Variants in COL1A2 observed in about 807,000 individuals in gnomAD.
COL1A2 encodes collagen type I alpha 2 chain.
Under a neutral mutation model 174.3 loss-of-function variants are expected in COL1A2, and 49 were observed. The observed-to-expected ratio is 0.28, with a 90% CI of 0.22 to 0.36. The LOEUF is 0.36. Among genes scored for constraint, COL1A2 ranks in the 10% least tolerant of loss-of-function variants. The probability of loss-of-function intolerance (pLI) is 1.00; values close to 1 mark genes in which losing one functional copy is unlikely to be tolerated. For synonymous variants in COL1A2, 655 were observed against 606.6 expected (o/e 1.08, Z -1.17); for missense variants, 1,438 against 1,822.7 (o/e 0.79, Z 3.84).
intron 40 of COL1A2, 47 bp from the exon 41 acceptor site, chr7:94,424,289 T>C (rs775873981): frequency 4.0e-6 from 6 of 1,515,384 alleles, no homozygotes; most frequent in Non-Finnish European, 4.6e-6. Context: ...ACCTGTGTTA[T>C]CACCTAGGGT....
intron 16 of COL1A2, 108 bp downstream of exon 16, chr7:94,408,931 T>A: frequency 9.7e-7 from 1 of 1,031,314 alleles, no homozygotes; most frequent in Non-Finnish European, 1.5e-6. Context: ...ACAGTTACCT[T>A]AATTATTCCT....
Position 94,427,266 on chromosome 7 carries a change from C to T in COL1A2, c.3238C>T (p.Arg1080Ter), listed in dbSNP as rs780395429. The change falls in exon 48 of 52, where the codon CGA becomes TGA. Residue 1080 changes from arginine (R) to a stop codon, truncating the protein, a stop_gained. Coordinates refer to ENST00000297268, the MANE Select transcript of COL1A2 (RefSeq NM_000089.4). LOFTEE classifies it high-confidence loss of function. ...HPGTVGPAGI[R>*]GPQGHQGPAG... ...TGGTACAGTTGGACCTGCTGGCATT[C>T]GAGGCCCTCAGGGTCACCAAGGCCC... The T allele has an allele frequency of 1.2e-6, 2 of 1,613,556 alleles. No homozygotes were observed. Among genetic ancestry groups the T allele is most frequent in the Non-Finnish European group, 1.7e-6 (2 of 1,179,798 alleles).
chr7:94,412,085 T>C lies in COL1A2; in HGVS notation c.1368T>C (p.Pro456=), dbSNP rs748642755. The C allele has an allele frequency of 2.5e-6, 4 of 1,612,618 alleles. No homozygotes were observed. The highest frequency in any genetic ancestry group is 3.4e-6 in the Non-Finnish European group (4 of 1,179,170). ...TTTTATAGGGTCTTCCTGGTTCCCCTGGAAATATCGGCCCCGCTGGAAAAG... is the reference window on the plus strand; with the variant it reads ...TTTTATAGGGTCTTCCTGGTTCCCCCGGAAATATCGGCCCCGCTGGAAAAG... The part of the protein sequence containing the change: ...LMGPRGLPGS[P]GNIGPAGKEG... The change falls in exon 24 of 52, where the codon CCT becomes CCC. Residue 456 remains proline (P), a synonymous_variant. Coordinates refer to ENST00000297268, the MANE Select transcript of COL1A2 (RefSeq NM_000089.4).
intron 40 of COL1A2, chr7:94,423,795 A>G (rs1562906313): frequency 6.0e-6 from 1 of 166,938 alleles, no homozygotes; most frequent in African/African-American, 2.4e-5. Flanking sequence ...GGGTTTCACC[A>G]TATTGGTCAG....
rs572013618 is a variant in COL1A2, at chr7:94,415,157, A to T, written c.1720-69A>T. 6 of 1,470,922 alleles carry T rather than the reference A, an allele frequency of 4.1e-6. No homozygotes were observed. The Admixed American group carries it at 5.0e-5, about 12-fold the overall frequency. 91.1% of individuals were successfully genotyped at this position (1,470,922 alleles called of 1,614,324 possible). ...ATTTCACTCTTTCCAAATTTTTCAA[A>T]TATTTTAATCATAAGTGAATTTAGA... On this transcript the variant is annotated intron_variant, in intron 29 of 51. Coordinates refer to ENST00000297268, the MANE Select transcript of COL1A2 (RefSeq NM_000089.4).
At chr7:94,401,261 C>T (rs971655860) in intron 5 of COL1A2, among the ~76,000 whole-genome samples, 9 of 152,006 alleles carry the variant, frequency 5.9e-5, no homozygotes, top group Non-Finnish European at 1.2e-4. Context: ...GCTTCCCTTC[C>T]TCAGAGTAGA....
rs1459638960 is a variant in COL1A2 at position 94,427,991 on chromosome 7, A to G, written c.3526+106A>G. ...GAAAATGCATTTGGGTAAAGATTAC[A>G]TTATGTGAAATCACACCCAATTAAT... On this transcript the variant is annotated intron_variant, in intron 49 of 51. Transcript: ENST00000297268. 4.9e-6 allele frequency: 6 copies of G among 1,229,674 alleles called. No homozygotes were observed. The African/African-American group carries it at 6.0e-5, about 12-fold the overall frequency. 76.2% of individuals were successfully genotyped at this position (1,229,674 alleles called of 1,614,324 possible).
rs1396488676 is a variant in COL1A2 at position 94,397,757 on chromosome 7, A to G, written c.80A>G (p.Glu27Gly). The G allele has an allele frequency of 1.5e-6, 2 of 1,315,274 alleles. No homozygotes were observed. Among genetic ancestry groups the G allele is most frequent in the Non-Finnish European group, 2.2e-6 (2 of 920,008 alleles). 81.5% of individuals were successfully genotyped at this position (1,315,274 alleles called of 1,614,324 possible). Residue 27 changes from glutamate to glycine, a missense_variant and splice_region_variant, in exon 2 of 52, where the codon GAG (glutamate) becomes GGG (glycine). Coordinates refer to ENST00000297268, the MANE Select transcript of COL1A2 (RefSeq NM_000089.4). ...TTTTTTTTTTCTACAGCTTTACAAG[A>G]GGTGAGTAAAACTTTTTTTAGAATT... ...LCLATCQSLQEETVRKGPAGD... is the reference protein window; with the variant it reads ...LCLATCQSLQGETVRKGPAGD...
Position 94,412,681 on chromosome 7 carries a change from C to G in COL1A2, c.1502C>G (p.Thr501Ser), listed in dbSNP as rs1466730398. The change falls in exon 25 of 52, where the codon ACT (threonine) becomes AGT (serine). Residue 501 changes from threonine to serine, a missense_variant and splice_region_variant. By Grantham distance (58) the Thr-to-Ser change is moderately conservative. Transcript: ENST00000297268. ...NIGFPGPKGP[T>S]GDPGKNGDKG... is the part of the protein sequence containing the mutation. ...GGATTCCCTGGACCCAAAGGCCCCA[C>G]TGTAAGAATCACCACAACTTTCTTA... The G allele has an allele frequency of 7.4e-6, 12 of 1,613,628 alleles. No individual in the cohort carries two copies. Among genetic ancestry groups the G allele is most frequent in the Admixed American group, 1.7e-5 (1 of 59,998 alleles).
chr7:94,415,765 A>G (rs1317898645), intron 30 of COL1A2, among the ~76,000 whole-genome samples: 2 of 152,182 alleles, frequency 1.3e-5, no homozygotes, highest in Non-Finnish European at 2.9e-5. Flanking sequence ...ATATGTAGGA[A>G]GCTCAAAGAA....
At chr7:94,418,778 C>A (rs1252260021) in intron 33 of COL1A2, among the ~76,000 whole-genome samples, 1 of 151,966 alleles carries the variant, frequency 6.6e-6, no homozygotes, top group African/African-American at 2.4e-5. Flanking sequence ...AATTTTCTAA[C>A]TTCCCTAGTG....
At chr7:94,417,575 C>G in intron 31 of COL1A2, 149 bp from the exon 32 acceptor site, 1 of 692,508 alleles carries the variant, frequency 1.4e-6, no homozygotes, top group Non-Finnish European at 2.6e-6. Flanking sequence ...GCTATATTCT[C>G]CCTCCTTTCA....
At chr7:94,420,505 C>G in intron 36 of COL1A2, 36 bp from the exon 37 acceptor site, 1 of 1,613,766 alleles carries the variant, frequency 6.2e-7, no homozygotes, top group South Asian at 1.1e-5. Flanking sequence ...TAGAGTGGGT[C>G]GGAATACCAG....
chr7:94,425,507 G>A (rs569052395), intron 42 of COL1A2, 103 bp from the exon 43 acceptor site: 169 of 1,206,862 alleles, frequency 1.4e-4, no homozygotes, highest in African/African-American at 1.3e-3. Flanking sequence ...AAGAGGGTTC[G>A]TTACTGAGCA....
chr7:94,430,356 A>C lies in COL1A2; in HGVS notation c.4064A>C (p.Glu1355Ala). The change falls in exon 52 of 52, where the codon GAA (glutamate) becomes GCA (alanine). Residue 1355 changes from glutamate to alanine, a missense_variant. Physicochemically the swap from Glu to Ala is moderately radical, Grantham distance 107 (BLOSUM62 -1). Transcript: ENST00000297268. Reference protein sequence around the residue: ...APLDIGGADQEFFVDIGPVCF... With the variant: ...APLDIGGADQAFFVDIGPVCF... ...TTGGACATCGGTGGTGCTGACCAGG[A>C]ATTCTTTGTGGACATTGGCCCAGTC... 6.2e-7 allele frequency: 1 copy of C among 1,614,088 alleles called. No homozygotes were observed. The highest frequency in any genetic ancestry group is 8.5e-7 in the Non-Finnish European group (1 of 1,179,974).
At chr7:94,395,510 A>T in intron 1 of COL1A2, 1 of 340,224 alleles carries the variant, frequency 2.9e-6, no homozygotes, top group South Asian at 2.4e-5. Context: ...TGCGTTAGAA[A>T]GCCCTTCAAC....
chr7:94,410,664 C>G (rs866934146), intron 21 of COL1A2, 137 bp downstream of exon 21: 8 of 904,514 alleles, frequency 8.8e-6, no homozygotes, highest in South Asian at 4.3e-5. Flanking sequence ...CTTATTAAAT[C>G]AGTGACTCTC....
chr7:94,427,766 A>G lies in COL1A2; in HGVS notation c.3407A>G (p.Asp1136Gly), dbSNP rs745366015. The G allele has an allele frequency of 2.5e-6, 4 of 1,614,074 alleles. No homozygotes were observed. Among genetic ancestry groups the G allele is most frequent in the Non-Finnish European group, 8.5e-7 (1 of 1,180,018 alleles). ...PSLRPKDYEV[D>G]ATLKSLNNQI... ...CTCAGACCCAAGGACTATGAAGTTG[A>G]TGCTACTCTGAAGTCTCTCAACAAC... Residue 1136 changes from aspartate (D) to glycine (G), a missense_variant, in exon 49 of 52, where the codon GAT (aspartate) becomes GGT (glycine). By Grantham distance (94) the Asp-to-Gly change is moderately conservative (BLOSUM62 -1). This residue lies in a region of COL1A2 where 290 missense variants were observed against 298.1 expected (regional missense o/e 0.97). Coordinates refer to ENST00000297268, the MANE Select transcript of COL1A2 (RefSeq NM_000089.4).
Position 94,429,414 on chromosome 7 carries a change from T to C in COL1A2, c.3938T>C (p.Leu1313Pro), listed in dbSNP as rs780400987. Residue 1313 changes from leucine (L) to proline (P), a missense_variant, in exon 51 of 52, where the codon CTT becomes CCT. By Grantham distance (98) the Leu-to-Pro change is moderately conservative. Around this residue, in one of 3 missense-constraint regions of COL1A2, gnomAD observed 290 missense variants for 298.1 expected, o/e 0.97. Coordinates refer to ENST00000297268, the MANE Select transcript of COL1A2 (RefSeq NM_000089.4). ...AACAGCAGGTTCACTTACACTGTTC[T>C]TGTAGATGGCTGCTCTGTAAGTAAT... ...EGNSRFTYTV[L>P]VDGCSKKTNE... is the part of the protein sequence containing the mutation. 13 of 1,614,074 alleles carry C rather than the reference T, an allele frequency of 8.1e-6. No homozygotes were observed. In the Admixed American group the frequency reaches 2.0e-4, roughly 25 times the overall value.
Sources: allele counts gnomAD v4.1 joint callset (sites outside exome capture counted in the v4.1 genomes callset), GRCh38; gene constraint gnomAD v4.1.1; regional missense constraint gnomAD v4.1.1; transcripts MANE v1.5; gene names NCBI Gene and HGNC (gene_info 2026-07-23, HGNC 2026-07-21).